DACH1: variants seen among roughly 807,000 people sequenced by gnomAD.
The protein encoded by DACH1 is dachshund family transcription factor 1.
A neutral mutation model predicts 54.2 loss-of-function variants in DACH1; 12 were observed. The observed-to-expected ratio is 0.22, with a 90% CI of 0.14 to 0.36. The LOEUF (loss-of-function observed/expected upper bound fraction) is 0.36, where lower values mean the gene tolerates loss of function less well. DACH1 is among the 10% of genes least tolerant of loss of function. DACH1 has a pLI of 1.00. For missense variants in DACH1, 805 were observed against 929.8 expected (o/e 0.87, Z 1.75); for synonymous variants, 386 against 366.2 (o/e 1.05, Z -0.62).
chr13:71,556,359 A>G (rs1884249446), intron 6 of DACH1, among the ~76,000 whole-genome samples: 1 of 152,192 alleles, frequency 6.6e-6, no homozygotes, highest in African/African-American at 2.4e-5. Context: ...TATATCCACA[A>G]TTTAACACTT....
At chr13:71,770,023 G>GAAACCTATAAACAA (rs1306634359) in intron 1 of DACH1, among the ~76,000 whole-genome samples, 5 of 151,662 alleles carry the variant, frequency 3.3e-5, no homozygotes, top group Non-Finnish European at 7.4e-5. Flanking sequence ...ATGTCCTTCA[G>GAAACCTATAAACAA]TGCATTAGAA....
intron 6 of DACH1, among the ~76,000 whole-genome samples, chr13:71,499,724 C>A (rs1879751998): frequency 6.6e-6 from 1 of 152,078 alleles, no homozygotes; most frequent in Non-Finnish European, 1.5e-5. Context: ...CACTTCTGAT[C>A]TAATTTTCTA....
chr13:71,745,295 G>A (rs761991247), intron 1 of DACH1, among the ~76,000 whole-genome samples: 1 of 152,078 alleles, frequency 6.6e-6, no homozygotes, highest in African/African-American at 2.4e-5. Context: ...ATATGTAATA[G>A]GCACACAAAT....
At chr13:71,614,937 T>A (rs894636098) in intron 3 of DACH1, among the ~76,000 whole-genome samples, 3 of 151,612 alleles carry the variant, frequency 2.0e-5, no homozygotes, top group African/African-American at 7.3e-5. Context: ...AGTTTTTTTT[T>A]TAAAAAAAGA....
rs554449080 is a variant in DACH1 at position 71,610,096 on chromosome 13, G to GA, written c.1126+20459dup. Among the ~76,000 whole-genome samples, 947 of 148,792 alleles carry GA rather than the reference G, an allele frequency of 6.4e-3. 8 individuals are homozygous for GA. Among genetic ancestry groups the GA allele is most frequent in the African/African-American group, 0.019 (789 of 40,740 alleles). ...ATAAAAGAGGCAAACTACACTGATA[G>GA]AAAAAAAAAATGTTCTTGTTTGCAG... is the stretch of plus-strand genomic sequence containing the variant. On this transcript the variant is annotated intron_variant, in intron 3 of 10. Transcript: ENST00000613252.
At chr13:71,832,513 G>A (rs1888631355) in intron 1 of DACH1, among the ~76,000 whole-genome samples, 1 of 151,890 alleles carries the variant, frequency 6.6e-6, no homozygotes, top group Admixed American at 6.6e-5. Flanking sequence ...CATAAAATAA[G>A]TTGCAATCTC....
At chr13:71,672,621 A>C (rs570927107) in intron 2 of DACH1, among the ~76,000 whole-genome samples, 1 of 152,280 alleles carries the variant, frequency 6.6e-6, no homozygotes, top group African/African-American at 2.4e-5. Context: ...TAAATAAATA[A>C]ACGAAATAAA....
chr13:71,573,282 A>C (rs1566351253), intron 3 of DACH1: 1 of 615,208 alleles, frequency 1.6e-6, no homozygotes, highest in Non-Finnish European at 2.9e-6. Context: ...CTTGCTTAAA[A>C]TACTAGGGTT....
chr13:71,746,946 A>T (rs1309246451), intron 1 of DACH1, among the ~76,000 whole-genome samples: 1 of 152,182 alleles, frequency 6.6e-6, no homozygotes, highest in Non-Finnish European at 1.5e-5. Context: ...TTCTGTATTA[A>T]CACATATGTA....
intron 3 of DACH1, among the ~76,000 whole-genome samples, chr13:71,628,371 C>T (rs1876822971): frequency 6.6e-6 from 1 of 152,044 alleles, no homozygotes; most frequent in African/African-American, 2.4e-5. Context: ...TCTTAGAGGA[C>T]AGCAGCATGT....
At position 71,693,469 on chromosome 13, in the gene DACH1, ATTT is replaced by A. The variant is rs748598587; in HGVS notation, c.849-11562_849-11560del. The stretch of plus-strand genomic sequence containing the variant: ...AGGTGCTCACCACCACGCCCGGCAA[ATTT>A]TTTTTTTTTTTTTTTTTTTGTATTT... On this transcript the variant is annotated intron_variant, in intron 1 of 10. Transcript: ENST00000613252. Among the ~76,000 whole-genome samples the A allele has an allele frequency of 7.5e-3, 897 of 119,256 alleles. 13 individuals are homozygous for A. The highest frequency in any genetic ancestry group is 0.029 in the African/African-American group (826 of 28,486). 78.2% of individuals were successfully genotyped at this position (119,256 alleles called of 152,430 possible).
intron 1 of DACH1, among the ~76,000 whole-genome samples, chr13:71,837,153 G>A (rs1054896548): frequency 2.6e-5 from 4 of 151,814 alleles, no homozygotes; most frequent in African/African-American, 9.7e-5. Context: ...AAATAATAAG[G>A]CAAATTTAAG....
intron 1 of DACH1, among the ~76,000 whole-genome samples, chr13:71,743,037 T>C (rs545952949): frequency 1.1e-4 from 16 of 152,264 alleles, no homozygotes; most frequent in Non-Finnish European, 2.4e-4. Context: ...ACTGAAGTCC[T>C]GGTATTTACA....
rs1456612492 is a variant in DACH1 at position 71,520,155 on chromosome 13, T to C, written c.1571-31007A>G. The stretch of plus-strand genomic sequence containing the variant: ...AAATTTGGGTTTCTTCCATGTTTTG[T>C]CATTCTTAAACTCTGAGTCTTGGGC... On this transcript the variant is annotated intron_variant, in intron 6 of 10. Transcript: ENST00000613252. Among the ~76,000 whole-genome samples the C allele has an allele frequency of 2.0e-5, 3 of 151,402 alleles. No individual in the cohort carries two copies. The East Asian group carries it at 5.9e-4, about 30-fold the overall frequency.
chr13:71,459,022 A>T (rs1165329184), intron 10 of DACH1, among the ~76,000 whole-genome samples: 1 of 151,904 alleles, frequency 6.6e-6, no homozygotes, highest in Non-Finnish European at 1.5e-5. Context: ...CTACAGATAG[A>T]TTCAACAAGA....
chr13:71,681,169 T>G (rs1880875924), intron 2 of DACH1, among the ~76,000 whole-genome samples: 1 of 152,104 alleles, frequency 6.6e-6, no homozygotes, highest in Non-Finnish European at 1.5e-5. Context: ...AATGAACCCA[T>G]TCAGGGGGTA....
chr13:71,795,192 T>C (rs1242108514), intron 1 of DACH1, among the ~76,000 whole-genome samples: 1 of 152,152 alleles, frequency 6.6e-6, no homozygotes, highest in Non-Finnish European at 1.5e-5. Context: ...AAAATGTTTT[T>C]TTTTGTTTGT....
chr13:71,443,438 T>A (rs1429641285), intron 10 of DACH1, among the ~76,000 whole-genome samples: 1 of 151,790 alleles, frequency 6.6e-6, no homozygotes, highest in Non-Finnish European at 1.5e-5. Flanking sequence ...TATTAAAAAA[T>A]AATAGTTATA....
At chr13:71,577,555 A>T (rs1040544929) in intron 3 of DACH1, among the ~76,000 whole-genome samples, 1 of 152,166 alleles carries the variant, frequency 6.6e-6, no homozygotes, top group African/African-American at 2.4e-5. Context: ...TTGCTATAAT[A>T]AGCACAATTG....
Sources: gnomAD v4.1 joint callset for allele counts (sites outside exome capture counted in the v4.1 genomes callset) on GRCh38, gnomAD v4.1.1 for gene constraint, MANE v1.5 for transcripts, NCBI Gene and HGNC (gene_info 2026-07-23, HGNC 2026-07-21) for gene names.